Variants in SCOC observed in about 807,000 individuals in gnomAD.
SCOC encodes short coiled-coil protein.
A neutral mutation model predicts 9.9 loss-of-function variants in SCOC; 7 were observed. The observed-to-expected ratio is 0.71, with a 90% CI of 0.40 to 1.33. The LOEUF is 1.33. Ranked by LOEUF, SCOC falls within the 40% of genes most tolerant of loss-of-function variation. The pLI is 0.01. For missense variants in SCOC, 66 were observed against 89.7 expected (o/e 0.74, Z 1.07); for synonymous variants, 19 against 28.2 (o/e 0.67, Z 1.03).
At chr4:140,378,548 G>A (rs552444656) in intron 1 of SCOC, among the ~76,000 whole-genome samples, 2 of 152,050 alleles carry the variant, frequency 1.3e-5, no homozygotes, top group African/African-American at 4.8e-5. Flanking sequence ...GGGCAACTTG[G>A]CAAGACCCTC....
chr4:140,346,152 T>A (rs1343732825), intron 2 of SCOC, among the ~76,000 whole-genome samples: 1 of 152,150 alleles, frequency 6.6e-6, no homozygotes, highest in Non-Finnish European at 1.5e-5. Flanking sequence ...GGATATTGAG[T>A]GGCAGTGGCG....
At chr4:140,296,226 T>C (rs1731633280) in intron 1 of SCOC, among the ~76,000 whole-genome samples, 1 of 152,102 alleles carries the variant, frequency 6.6e-6, no homozygotes, top group Non-Finnish European at 1.5e-5. Flanking sequence ...CTGGCATTAA[T>C]ATTCACAAGG....
In SCOC at chr4:140,384,246, T is replaced by TAGTAGG. The variant is rs1728644764; in HGVS notation, c.*3142_*3143insAGTAGG. ...AGGTGTCAAAATATATCCCCACTGC[T>TAGTAGG]TGTCATGTTAATGGTAAGCTAATGC... On this transcript the variant is annotated 3_prime_UTR_variant, in exon 4 of 4. Coordinates refer to ENST00000608372, the MANE Select transcript of SCOC (RefSeq NM_001153484.2). 1 of 152,238 alleles carries TAGTAGG rather than the reference T, an allele frequency of 6.6e-6. No individual in the cohort carries two copies. The highest frequency in any genetic ancestry group is 1.5e-5 in the Non-Finnish European group (1 of 68,046). The allele number at this position is 152,238 out of a possible 1,614,324, so 9.4% of individuals were successfully genotyped here. A position where few individuals can be genotyped will look rare whatever the true frequency, so the allele number is the denominator to read the frequency against.
chr4:140,316,384 G>A (rs1190642749), intron 1 of SCOC, among the ~76,000 whole-genome samples: 1 of 152,004 alleles, frequency 6.6e-6, no homozygotes, highest in Non-Finnish European at 1.5e-5. Flanking sequence ...TTCTTTAGTT[G>A]TCTGTAATGC....
At position 140,274,871 on chromosome 4, in the gene SCOC, C is replaced by G. The variant is rs147749854; in HGVS notation, c.-19+17461C>G. On this transcript the variant is annotated intron_variant, in intron 1 of 4. Transcript: ENST00000394205. ...TTGACCTTAGCCTATTTTTTCTTCT[C>G]TTTTTCTTCTACATAAAGCTTTCCT... is the stretch of plus-strand genomic sequence containing the variant. Among the ~76,000 whole-genome samples, 125 of 152,274 alleles carry G rather than the reference C, an allele frequency of 8.2e-4. 1 individual carries two copies. In the East Asian group the frequency reaches 0.02, roughly 25 times the overall value.
intron 2 of SCOC, among the ~76,000 whole-genome samples, chr4:140,345,642 T>C (rs1477793593): frequency 6.6e-6 from 1 of 152,196 alleles, no homozygotes; most frequent in Non-Finnish European, 1.5e-5. Context: ...AAGTAAAGCA[T>C]TAAAAAGGTA....
upstream of SCOC, chr4:140,373,638 C>A: frequency 6.4e-7 from 1 of 1,551,594 alleles, no homozygotes; most frequent in African/African-American, 1.4e-5. Flanking sequence ...GTGGGCGGAG[C>A]TGCCGGGGTC....
intron 1 of SCOC, among the ~76,000 whole-genome samples, chr4:140,324,314 T>A (rs1349832487): frequency 6.6e-6 from 1 of 152,164 alleles, no homozygotes; most frequent in African/African-American, 2.4e-5. Flanking sequence ...ATGTCCTCTC[T>A]GACTATCCCC....
intron 1 of SCOC, among the ~76,000 whole-genome samples, chr4:140,375,634 G>A (rs1560730399): frequency 6.6e-6 from 1 of 152,160 alleles, no homozygotes; most frequent in Non-Finnish European, 1.5e-5. Flanking sequence ...GTGTGTGCAT[G>A]GCAAAAATTA....
At chr4:140,266,468 G>A (rs531742916) in intron 1 of SCOC, among the ~76,000 whole-genome samples, 93 of 152,194 alleles carry the variant, frequency 6.1e-4, no homozygotes, top group Admixed American at 4.6e-3. Context: ...CGTTTTATAA[G>A]GGCACCCCAG....
chr4:140,281,835 C>T (rs562894039), intron 1 of SCOC, among the ~76,000 whole-genome samples: 9 of 152,104 alleles, frequency 5.9e-5, no homozygotes, highest in South Asian at 2.1e-4. Context: ...ACTCAGGGGG[C>T]GAGGGGGGAC....
chr4:140,261,500 G>T (rs759856840), intron 1 of SCOC, among the ~76,000 whole-genome samples: 1 of 152,126 alleles, frequency 6.6e-6, no homozygotes, highest in African/African-American at 2.4e-5. Context: ...ATTCATTTGG[G>T]TCCCTTTGAT....
chr4:140,335,174 G>A (rs1459298720), intron 1 of SCOC, among the ~76,000 whole-genome samples: 2 of 152,110 alleles, frequency 1.3e-5, no homozygotes, highest in Non-Finnish European at 2.9e-5. Context: ...ATATTAATCA[G>A]ATTGTGTATT....
intron 1 of SCOC, among the ~76,000 whole-genome samples, chr4:140,299,316 G>T (rs62345651): frequency 0.084 from 12,786 of 152,236 alleles, 592 homozygotes; most frequent in Middle Eastern, 0.18. Context: ...CTGCTTGTGA[G>T]AAACATACAC....
rs1728485543 is a variant in SCOC at position 140,379,615 on chromosome 4, T to TA, written c.70dup (p.Ile24AsnfsTer2). The TA allele has an allele frequency of 6.2e-7, 1 of 1,612,842 alleles. No homozygotes were observed. Among genetic ancestry groups the TA allele is most frequent in the South Asian group, 1.1e-5 (1 of 90,944 alleles). ...TGGAACTGGAGGAAAAAACAAGACT[T>TA]ATTAATCAAGTGTTGGAACTCCAAC... is the stretch of plus-strand genomic sequence containing the variant. On this transcript the variant is annotated frameshift_variant, in exon 3 of 4. Coordinates refer to ENST00000608372, the MANE Select transcript of SCOC (RefSeq NM_001153484.2). LOFTEE classifies it high-confidence loss of function.
At chr4:140,362,302 T>TCC (rs1560720882) in intron 2 of SCOC, among the ~76,000 whole-genome samples, 3 of 27,838 alleles carry the variant, frequency 1.1e-4, no homozygotes. Flanking sequence ...TCTTCTTCTT[T>TCC]TTTTTTTTTT....
At chr4:140,309,462 T>C (rs1377428339) in intron 1 of SCOC, among the ~76,000 whole-genome samples, 5 of 152,116 alleles carry the variant, frequency 3.3e-5, no homozygotes, top group Non-Finnish European at 7.4e-5. Context: ...CCTTCTAACA[T>C]AGCCTTGTCA....
rs546882845 is a variant in SCOC, at chr4:140,334,908, C to T, written c.-18-8713C>T. On this transcript the variant is annotated intron_variant, in intron 1 of 4. Coordinates refer to the SCOC transcript ENST00000394205. The stretch of plus-strand genomic sequence containing the variant: ...CTTGAGCCCAGGAGTTCAAGACCAG[C>T]CTGGGCAACATGACAAAACCCTGTC... Among the ~76,000 whole-genome samples, 3 of 152,042 alleles carry T rather than the reference C, an allele frequency of 2.0e-5. No homozygotes were observed. The East Asian group carries it at 5.8e-4, about 29-fold the overall frequency.
chr4:140,264,382 G>A lies in SCOC; in HGVS notation c.-19+6972G>A, dbSNP rs1244228673. 1.3e-5 allele frequency among the ~76,000 whole-genome samples: 2 copies of A among 152,134 alleles called. 1 individual carries two copies. Among genetic ancestry groups the A allele is most frequent in the Admixed American group, 1.3e-4 (2 of 15,260 alleles). On this transcript the variant is annotated intron_variant, in intron 1 of 4. Coordinates refer to the SCOC transcript ENST00000394205. ...CTTGCAACCTTGTTCTGTGACCTTA[G>A]GAAGTTACTTTACCTCTTTGTGCCT...
Sources: gnomAD v4.1 joint callset for allele counts (sites outside exome capture counted in the v4.1 genomes callset) on GRCh38, gnomAD v4.1.1 for gene constraint, MANE v1.5 for transcripts, NCBI Gene and HGNC (gene_info 2026-07-23, HGNC 2026-07-21) for gene names.